Variants in CREB5 observed in about 807,000 individuals in gnomAD.
The protein encoded by CREB5 is cyclic AMP-responsive element-binding protein 5.
Under a neutral mutation model 57.1 loss-of-function variants are expected in CREB5, and 19 were observed. That is an observed-to-expected ratio of 0.33 (90% CI 0.23 to 0.49). CREB5 has a LOEUF of 0.49. Ranked by LOEUF, CREB5 falls within the 20% of genes least tolerant of loss-of-function variation. CREB5 has a pLI of 0.99. For synonymous variants in CREB5, 238 were observed against 238.3 expected, an observed-to-expected ratio of 1.00 and a Z score of 0.01; for missense variants, 579 against 671.6, an observed-to-expected ratio of 0.86 and a Z score of 1.52.
chr7:28,344,723 A>T (rs1202371055), intron 1 of CREB5, among the ~76,000 whole-genome samples: 2 of 145,172 alleles, frequency 1.4e-5, no homozygotes, highest in Non-Finnish European at 3.0e-5. Context: ...AAGTGGATTT[A>T]AAAAAAAAAA....
intron 3 of CREB5, among the ~76,000 whole-genome samples, chr7:28,500,379 A>G (rs1792228370): frequency 1.3e-5 from 2 of 152,222 alleles, no homozygotes. Flanking sequence ...CGTGTGGCAC[A>G]GCTGACTATA....
At chr7:28,399,847 G>A (rs1009969676) in intron 1 of CREB5, among the ~76,000 whole-genome samples, 1 of 152,062 alleles carries the variant, frequency 6.6e-6, no homozygotes, top group Non-Finnish European at 1.5e-5. Context: ...TTGAGGTCAG[G>A]AGTTCGAGAC....
chr7:28,764,100 G>T (rs1323615529), intron 7 of CREB5, among the ~76,000 whole-genome samples: 1 of 152,026 alleles, frequency 6.6e-6, no homozygotes, highest in Non-Finnish European at 1.5e-5. Context: ...ACCATGCCTG[G>T]CCTAAGGATA....
At chr7:28,548,574 C>T (rs916187113) in intron 4 of CREB5, among the ~76,000 whole-genome samples, 1 of 152,122 alleles carries the variant, frequency 6.6e-6, no homozygotes, top group Non-Finnish European at 1.5e-5. Context: ...ATATCTGGCT[C>T]TAGGTCTTAT....
chr7:28,443,591 G>T (rs895830912), intron 1 of CREB5, among the ~76,000 whole-genome samples: 6 of 152,240 alleles, frequency 3.9e-5, no homozygotes, highest in Middle Eastern at 3.4e-3. Context: ...TAGAGAGGTG[G>T]AATCATTCAT....
At chr7:28,424,331 C>A (rs1371447908) in intron 1 of CREB5, among the ~76,000 whole-genome samples, 1 of 152,168 alleles carries the variant, frequency 6.6e-6, no homozygotes, top group Non-Finnish European at 1.5e-5. Context: ...GAAGGCAGCA[C>A]CCAGGTCAGG....
intron 1 of CREB5, among the ~76,000 whole-genome samples, chr7:28,341,199 C>A (rs934221951): frequency 3.4e-4 from 52 of 152,258 alleles, no homozygotes; most frequent in African/African-American, 1.1e-3. Flanking sequence ...ATTCAGCCAT[C>A]TTGCTCCACC....
At position 28,359,224 on chromosome 7, in the gene CREB5, T is replaced by TAAAA. The variant is rs70977038; in HGVS notation, c.-25+59792_-25+59795dup. On this transcript the variant is annotated intron_variant, in intron 1 of 9. Transcript: ENST00000396299. ...AAAGCGAATACACACACAAAACAAATAAAAAAAAAAAAGCTTTAAGTACTG... is the reference window on the plus strand; with the variant it reads ...AAAGCGAATACACACACAAAACAAATAAAAAAAAAAAAAAAAGCTTTAAGTACTG... 1.6e-3 allele frequency among the ~76,000 whole-genome samples: 214 copies of TAAAA among 136,680 alleles called. 1 individual carries two copies. Among genetic ancestry groups the TAAAA allele is most frequent in the African/African-American group, 3.7e-3 (137 of 37,402 alleles). The allele number at this position is 136,680 out of a possible 152,430, so 89.7% of individuals were successfully genotyped here. A position where few individuals can be genotyped will look rare whatever the true frequency, so the allele number is the denominator to read the frequency against.
At chr7:28,674,553 A>G (rs1038653967) in intron 5 of CREB5, among the ~76,000 whole-genome samples, 18 of 152,200 alleles carry the variant, frequency 1.2e-4, no homozygotes, top group Non-Finnish European at 1.5e-5. Flanking sequence ...ATTGATTCCC[A>G]TTGGATGTCT....
chr7:28,510,482 C>T (rs1250994918), intron 4 of CREB5, among the ~76,000 whole-genome samples: 1 of 152,190 alleles, frequency 6.6e-6, no homozygotes, highest in African/African-American at 2.4e-5. Flanking sequence ...TTCTATGTGT[C>T]TTACACAAAA....
chr7:28,466,796 A>G (rs945926349), intron 1 of CREB5, among the ~76,000 whole-genome samples: 7 of 152,304 alleles, frequency 4.6e-5, no homozygotes, highest in African/African-American at 1.4e-4. Flanking sequence ...GGCTTTGCAA[A>G]TCGGGGCTAT....
chr7:28,351,975 T>C (rs947899850), intron 1 of CREB5, among the ~76,000 whole-genome samples: 2 of 152,234 alleles, frequency 1.3e-5, no homozygotes, highest in Admixed American at 6.5e-5. Flanking sequence ...CTAGTTTTAA[T>C]TGCCAGTTTT....
chr7:28,430,756 T>G (rs771726872), intron 1 of CREB5, among the ~76,000 whole-genome samples: 1 of 152,202 alleles, frequency 6.6e-6, no homozygotes, highest in Non-Finnish European at 1.5e-5. Context: ...TATGACACAT[T>G]AGCATCATCC....
At chr7:28,558,065 T>C (rs1583624127) in intron 4 of CREB5, among the ~76,000 whole-genome samples, 1 of 152,208 alleles carries the variant, frequency 6.6e-6, no homozygotes, top group African/African-American at 2.4e-5. Context: ...GTGGCCAGTG[T>C]ATTATCCCCT....
At chr7:28,339,760 A>C (rs2127988566) in intron 1 of CREB5, among the ~76,000 whole-genome samples, 1 of 152,266 alleles carries the variant, frequency 6.6e-6, no homozygotes, top group South Asian at 2.1e-4. Flanking sequence ...GTCCGAGATG[A>C]TGTCTGGGAG....
At chr7:28,560,861 T>TGCGCGTGC (rs1358670336) in intron 4 of CREB5, among the ~76,000 whole-genome samples, 18 of 45,894 alleles carry the variant, frequency 3.9e-4, no homozygotes, top group East Asian at 3.9e-3. Flanking sequence ...TGTGTGTGCG[T>TGCGCGTGC]GTGCCTGCGT....
At chr7:28,710,803 A>G (rs1802363517) in intron 5 of CREB5, among the ~76,000 whole-genome samples, 1 of 152,216 alleles carries the variant, frequency 6.6e-6, no homozygotes, top group Admixed American at 6.5e-5. Flanking sequence ...GAGAGCGTGC[A>G]CCAAGCCTGA....
At chr7:28,624,145 T>C (rs1366999542) in intron 5 of CREB5, among the ~76,000 whole-genome samples, 1 of 152,148 alleles carries the variant, frequency 6.6e-6, no homozygotes, top group Non-Finnish European at 1.5e-5. Flanking sequence ...CACAGACCAA[T>C]AAGTAAGTGC....
At chr7:28,506,204 T>C (rs890554323) in intron 3 of CREB5, among the ~76,000 whole-genome samples, 2 of 152,230 alleles carry the variant, frequency 1.3e-5, no homozygotes, top group Non-Finnish European at 2.9e-5. Context: ...TTCTGCTTCA[T>C]GGGTATTAAG....
Sources: allele counts gnomAD v4.1 joint callset (sites outside exome capture counted in the v4.1 genomes callset), GRCh38; gene constraint gnomAD v4.1.1; transcripts MANE v1.5; gene names NCBI Gene and HGNC (gene_info 2026-07-23, HGNC 2026-07-21).